Variants in PTPRG observed in about 807,000 individuals in gnomAD.
The protein encoded by PTPRG is protein tyrosine phosphatase receptor type G, also known as receptor-type tyrosine-protein phosphatase gamma.
In PTPRG, 102 loss-of-function variants were observed where a neutral mutation model predicts 165.3. The ratio of observed to expected loss-of-function variants is 0.62; its 90% CI spans 0.53 to 0.73. The LOEUF is 0.73. PTPRG is among the 30% of genes least tolerant of loss of function. PTPRG has a pLI of 0.00. For missense variants in PTPRG, 1,866 were observed against 1,861.4 expected, an observed-to-expected ratio of 1.00 and a Z score of -0.05; for synonymous variants, 675 against 669.5, an observed-to-expected ratio of 1.01 and a Z score of -0.13.
In PTPRG at chr3:62,277,621, G is replaced by A. The variant is rs764733284; in HGVS notation, c.3707G>A (p.Arg1236Gln). ...PLPHTTKDFW[R>Q]MIWDHNAQII... ...CCACATACTACGAAAGATTTCTGGC[G>A]AATGATTTGGGATCATAACGCACAG... Residue 1236 changes from arginine to glutamine, a missense_variant, in exon 26 of 30, where the codon CGA becomes CAA. By Grantham distance (43) the Arg-to-Gln change is conservative. Coordinates refer to ENST00000474889, the MANE Select transcript of PTPRG (RefSeq NM_002841.4). 48 of 1,612,554 alleles carry A rather than the reference G, an allele frequency of 3.0e-5. No individual in the cohort carries two copies. The highest frequency in any genetic ancestry group is 1.6e-4 in the Middle Eastern group (1 of 6,076).
chr3:61,817,840 G>A (rs2035834582), intron 2 of PTPRG, among the ~76,000 whole-genome samples: 3 of 152,130 alleles, frequency 2.0e-5, no homozygotes, highest in African/African-American at 7.2e-5. Flanking sequence ...GTGATTTTGG[G>A]GCTCTATCAT....
At chr3:62,175,800 G>A (rs547663383) in intron 8 of PTPRG, among the ~76,000 whole-genome samples, 3 of 152,294 alleles carry the variant, frequency 2.0e-5, no homozygotes, top group African/African-American at 7.2e-5. Flanking sequence ...CCCTTCTAGG[G>A]ATAAGGCAAG....
At chr3:61,752,803 A>AAAAAAAAAAAAAAAG (rs1559592577) in intron 2 of PTPRG, among the ~76,000 whole-genome samples, 1 of 33,130 alleles carries the variant, frequency 3.0e-5, no homozygotes, top group Non-Finnish European at 9.2e-5. Context: ...AAAAAAAAAG[A>AAAAAAAAAAAAAAAG]AAAAAAAAAA....
intron 1 of PTPRG, among the ~76,000 whole-genome samples, chr3:61,676,003 G>C (rs1391161127): frequency 6.6e-6 from 1 of 152,092 alleles, no homozygotes; most frequent in Non-Finnish European, 1.5e-5. Flanking sequence ...GGAAATAGAG[G>C]AAAATTTGTC....
intron 4 of PTPRG, among the ~76,000 whole-genome samples, chr3:62,064,586 A>G (rs1700943652): frequency 1.3e-5 from 2 of 152,192 alleles, no homozygotes; most frequent in South Asian, 4.1e-4. Flanking sequence ...GGGCATAGAT[A>G]CTTGAATATT....
chr3:61,582,726 T>C (rs1420535572), intron 1 of PTPRG, among the ~76,000 whole-genome samples: 1 of 152,198 alleles, frequency 6.6e-6, no homozygotes, highest in Non-Finnish European at 1.5e-5. Flanking sequence ...TGGGACGTTA[T>C]GATTTTTAAC....
chr3:61,746,004 ATATTT>A (rs984392029), intron 1 of PTPRG, among the ~76,000 whole-genome samples: 7 of 151,682 alleles, frequency 4.6e-5, no homozygotes, highest in Non-Finnish European at 8.8e-5. Context: ...GAAGGTTTAA[ATATTT>A]TATTTTAGTT....
chr3:62,169,444 T>G (rs1355189386), intron 8 of PTPRG, among the ~76,000 whole-genome samples: 6 of 152,134 alleles, frequency 3.9e-5, no homozygotes, highest in Non-Finnish European at 5.9e-5. Context: ...AACATAAGTT[T>G]ATCATTTTCA....
At chr3:62,281,538 C>CTTTT (rs60919586) in intron 26 of PTPRG, 25 bp from the exon 27 acceptor site, 15,398 of 621,672 alleles carry the variant, frequency 0.025, 477 homozygotes, top group Non-Finnish European at 0.027. Context: ...ACTGCAGAGG[C>CTTTT]TTTTTTTTTT....
Position 61,657,303 on chromosome 3 carries a change from T to C in PTPRG, c.86-91575T>C, listed in dbSNP as rs77509418. Among the ~76,000 whole-genome samples, 748 of 152,140 alleles carry C rather than the reference T, an allele frequency of 4.9e-3. 14 individuals are homozygous for C. The highest frequency in any genetic ancestry group is 0.017 in the African/African-American group (703 of 41,498). ...ATGAGGGTGAGACTATGACCTACTT[T>C]CAGGGGAAGGTCAGTTAAGTTTTAT... On this transcript the variant is annotated intron_variant, in intron 1 of 29. Transcript: ENST00000474889.
intron 3 of PTPRG, among the ~76,000 whole-genome samples, chr3:61,993,569 G>C (rs2040949917): frequency 6.6e-6 from 1 of 152,112 alleles, no homozygotes; most frequent in African/African-American, 2.4e-5. Context: ...GGGTTAAAGG[G>C]CTCATGGTAT....
chr3:61,939,500 C>A (rs760308409), intron 2 of PTPRG, among the ~76,000 whole-genome samples: 10 of 152,140 alleles, frequency 6.6e-5, no homozygotes, highest in Non-Finnish European at 1.0e-4. Flanking sequence ...ACAGAAACTG[C>A]TGAAGATTTT....
At chr3:62,256,598 G>A (rs966401573) in intron 16 of PTPRG, among the ~76,000 whole-genome samples, 1 of 152,168 alleles carries the variant, frequency 6.6e-6, no homozygotes, top group African/African-American at 2.4e-5. Context: ...AATGTGTGTG[G>A]TGTTAAAGTG....
chr3:61,894,304 A>C (rs932254044), intron 2 of PTPRG, among the ~76,000 whole-genome samples: 3 of 18,294 alleles, frequency 1.6e-4, no homozygotes, highest in Admixed American at 9.4e-4. Flanking sequence ...TCTGTGTCAA[A>C]AAAAAAAAAA....
intron 2 of PTPRG, among the ~76,000 whole-genome samples, chr3:61,933,864 G>T (rs1452449911): frequency 6.6e-6 from 1 of 152,162 alleles, no homozygotes; most frequent in East Asian, 1.9e-4. Context: ...GTAATCAGTA[G>T]ATCAGCTAGT....
In PTPRG at chr3:62,148,765, AAAATAAAT is replaced by A. The variant is rs61021514; in HGVS notation, c.683-8284_683-8277del. 9.9e-5 allele frequency among the ~76,000 whole-genome samples: 15 copies of A among 151,780 alleles called. No individual in the cohort carries two copies. In the East Asian group the frequency reaches 2.1e-3, roughly 22 times the overall value. Reference sequence around the variant, plus strand: ...GGACAGAGCGAGACTCCGTCTCCACAAAATAAATAAATAAATAAATAAATAGCTAAAAT... The same window carrying A: ...GGACAGAGCGAGACTCCGTCTCCACAAAATAAATAAATAAATAGCTAAAAT... On this transcript the variant is annotated intron_variant, in intron 6 of 29. Coordinates refer to ENST00000474889, the MANE Select transcript of PTPRG (RefSeq NM_002841.4).
intron 10 of PTPRG, among the ~76,000 whole-genome samples, chr3:62,199,505 A>T (rs887121130): frequency 1.3e-5 from 2 of 152,172 alleles, no homozygotes; most frequent in African/African-American, 4.8e-5. Flanking sequence ...CAATATCGTG[A>T]GTTTTCAGAT....
intron 1 of PTPRG, among the ~76,000 whole-genome samples, chr3:61,702,200 A>C (rs1161036865): frequency 6.6e-6 from 1 of 152,030 alleles, no homozygotes; most frequent in African/African-American, 2.4e-5. Flanking sequence ...GCTGTTCTTG[A>C]ACTGCTGGCC....
chr3:62,150,244 A>G (rs1468178800), intron 6 of PTPRG, among the ~76,000 whole-genome samples: 1 of 152,210 alleles, frequency 6.6e-6, no homozygotes, highest in Admixed American at 6.5e-5. Flanking sequence ...AGCCAGTGCA[A>G]AGGCCCTGGG....
Sources: gnomAD v4.1 joint callset for allele counts (sites outside exome capture counted in the v4.1 genomes callset) on GRCh38, gnomAD v4.1.1 for gene constraint, MANE v1.5 for transcripts, NCBI Gene and HGNC (gene_info 2026-07-23, HGNC 2026-07-21) for gene names.